ADAM12: variants seen among roughly 807,000 people sequenced by gnomAD.
The protein encoded by ADAM12 is ADAM metallopeptidase domain 12.
ADAM12 carries 70 observed loss-of-function variants against 106.4 expected under a neutral mutation model. That is an observed-to-expected ratio of 0.66 (90% CI 0.54 to 0.80). ADAM12 has a LOEUF of 0.80. Among genes scored for constraint, ADAM12 ranks in the 30% least tolerant of loss-of-function variants. The probability of loss-of-function intolerance (pLI) is 0.00; values close to 1 mark genes in which losing one functional copy is unlikely to be tolerated. For synonymous variants in ADAM12, 420 were observed against 433.5 expected (o/e 0.97, Z 0.39); for missense variants, 1,010 against 1,171.9 (o/e 0.86, Z 2.02).
At chr10:126,247,051 T>C (rs1958644395) in intron 3 of ADAM12, among the ~76,000 whole-genome samples, 1 of 152,220 alleles carries the variant, frequency 6.6e-6, no homozygotes, top group South Asian at 2.1e-4. Flanking sequence ...ATGTAACTTG[T>C]TATTTAAATA....
chr10:126,074,023 C>G (rs762307603), intron 11 of ADAM12, among the ~76,000 whole-genome samples: 50 of 152,144 alleles, frequency 3.3e-4, no homozygotes, highest in Non-Finnish European at 6.6e-4. Context: ...CATGGAGGTA[C>G]AGATGGAAAC....
At chr10:126,146,986 G>A (rs533103812) in intron 4 of ADAM12, among the ~76,000 whole-genome samples, 1 of 152,152 alleles carries the variant, frequency 6.6e-6, no homozygotes, top group Non-Finnish European at 1.5e-5. Context: ...GCCCTGACGT[G>A]TTTAGTCCAA....
rs1474186939 is a variant in ADAM12, at chr10:126,388,110, G to A, written c.36C>T (p.Arg12=). Residue 12 remains arginine, a synonymous_variant, in exon 1 of 23, where the codon CGC becomes CGT. Transcript: ENST00000448723. The surrounding 1 kb of genome is among the most constrained non-coding windows in gnomAD (Gnocchi z 4.4). ...CACCGGCCAGGGCGAGCAGGAGGGC[G>A]CGGGCGGGGGACACGGGCAGCGGGC... is the stretch of plus-strand genomic sequence containing the variant. ...AARPLPVSPA[R]ALLLALAGAL... 1 of 1,227,444 alleles carries A rather than the reference G, an allele frequency of 8.1e-7. No homozygotes were observed. The allele number at this position is 1,227,444 out of a possible 1,614,324, so 76.0% of individuals were successfully genotyped here.
intron 11 of ADAM12, among the ~76,000 whole-genome samples, chr10:126,079,655 G>T (rs1298135653): frequency 6.6e-6 from 1 of 152,140 alleles, no homozygotes; most frequent in Admixed American, 6.5e-5. Context: ...AAATGCTGTT[G>T]TACCTATTTG....
intron 4 of ADAM12, among the ~76,000 whole-genome samples, chr10:126,143,333 G>T (rs1203357177): frequency 6.7e-6 from 1 of 149,626 alleles, no homozygotes; most frequent in African/African-American, 2.5e-5. Context: ...GTGTGCACAT[G>T]TGTATATGTG....
At chr10:126,329,985 CAAAGT>C (rs1854446741) in intron 2 of ADAM12, among the ~76,000 whole-genome samples, 1 of 152,070 alleles carries the variant, frequency 6.6e-6, no homozygotes, top group African/African-American at 2.4e-5. Context: ...TCAAACATGT[CAAAGT>C]AAATAAAGTT....
chr10:126,066,565 T>C lies in ADAM12; in HGVS notation c.1413+152A>G, dbSNP rs902443750. On this transcript the variant is annotated intron_variant, in intron 13 of 22. Transcript: ENST00000448723. The surrounding 1 kb of genome is among the most constrained non-coding windows in gnomAD (Gnocchi z 5.1). ...AGATTGGAAGCTAAACAGTAAGAGGTGGGTAACACCAACTGGCGTGAGAAG... is the reference window on the plus strand; with the variant it reads ...AGATTGGAAGCTAAACAGTAAGAGGCGGGTAACACCAACTGGCGTGAGAAG... 37 of 662,426 alleles carry C rather than the reference T, an allele frequency of 5.6e-5. No individual in the cohort carries two copies. In the African/African-American group the frequency reaches 6.1e-4, roughly 11 times the overall value. The allele number at this position is 662,426 out of a possible 1,614,324, so 41.0% of individuals were successfully genotyped here.
intron 12 of ADAM12, among the ~76,000 whole-genome samples, chr10:126,068,737 A>G (rs1379015458): frequency 6.6e-6 from 1 of 152,214 alleles, no homozygotes; most frequent in Admixed American, 6.5e-5. Context: ...CTGCTGCTAC[A>G]TTGATTATTT....
chr10:126,261,722 C>T (rs964037658), intron 3 of ADAM12, among the ~76,000 whole-genome samples: 1 of 151,464 alleles, frequency 6.6e-6, no homozygotes, highest in African/African-American at 2.4e-5. Context: ...ACTTCAATGT[C>T]CAAATGTAAA....
intron 9 of ADAM12, among the ~76,000 whole-genome samples, chr10:126,100,745 A>G (rs1202519903): frequency 2.0e-5 from 3 of 152,022 alleles, no homozygotes; most frequent in Non-Finnish European, 4.4e-5. Flanking sequence ...AAACAAAACA[A>G]AAAAATAGGC....
At chr10:126,355,253 A>C (rs1339546614) in intron 1 of ADAM12, among the ~76,000 whole-genome samples, 1 of 152,260 alleles carries the variant, frequency 6.6e-6, no homozygotes, top group Non-Finnish European at 1.5e-5. Flanking sequence ...AGCTATGAAT[A>C]AAAGGAATAG....
At chr10:126,362,844 A>C (rs973709353) in intron 1 of ADAM12, among the ~76,000 whole-genome samples, 8 of 152,178 alleles carry the variant, frequency 5.3e-5, no homozygotes, top group African/African-American at 1.9e-4. Flanking sequence ...AGGAGGAATA[A>C]GGTTTTTTGT....
intron 2 of ADAM12, among the ~76,000 whole-genome samples, chr10:126,328,898 T>C (rs943055318): frequency 1.8e-4 from 28 of 152,088 alleles, no homozygotes; most frequent in African/African-American, 6.0e-4. Flanking sequence ...TGGCCAGCAG[T>C]AGATGTGCCA....
intron 1 of ADAM12, among the ~76,000 whole-genome samples, chr10:126,372,042 C>T (rs1438538186): frequency 6.6e-6 from 1 of 152,070 alleles, no homozygotes; most frequent in Non-Finnish European, 1.5e-5. Context: ...ACAGAGATGC[C>T]CCTAATGGTA....
At chr10:126,059,342 CAA>C (rs889208945) in intron 14 of ADAM12, among the ~76,000 whole-genome samples, 102 of 152,322 alleles carry the variant, frequency 6.7e-4, no homozygotes, top group African/African-American at 2.3e-3. Context: ...CATCCACAGA[CAA>C]AGGCATTTTT....
At chr10:126,093,909 C>T (rs1955509471) in intron 11 of ADAM12, 76 bp downstream of exon 11, 3 of 1,575,400 alleles carry the variant, frequency 1.9e-6, no homozygotes, top group Non-Finnish European at 2.6e-6. Context: ...ACCAGAGACA[C>T]TTTGACTCAT....
intron 3 of ADAM12, among the ~76,000 whole-genome samples, chr10:126,274,603 C>T (rs1051223213): frequency 6.6e-6 from 1 of 152,144 alleles, no homozygotes; most frequent in Non-Finnish European, 1.5e-5. Context: ...CACAATTATT[C>T]CCCCTAGCTC....
At chr10:126,331,261 A>G (rs1052466720) in intron 1 of ADAM12, among the ~76,000 whole-genome samples, 2 of 152,114 alleles carry the variant, frequency 1.3e-5, no homozygotes, top group Admixed American at 1.3e-4. Context: ...CTCTCCTATG[A>G]GGTCATGCTC....
chr10:126,166,211 G>A lies in ADAM12; in HGVS notation c.261-10906C>T, dbSNP rs116128210. ...ACATGCTGTTATGATTGTCTTTTGG[G>A]ACTGTTCAGATGAGCCTATCTGTTC... On this transcript the variant is annotated intron_variant, in intron 3 of 22. Transcript: ENST00000448723. Among the ~76,000 whole-genome samples the A allele has an allele frequency of 3.6e-3, 553 of 152,318 alleles. 4 individuals carry two copies. The highest frequency in any genetic ancestry group is 0.012 in the African/African-American group (517 of 41,578).
Sources: gnomAD v4.1 joint callset for allele counts (sites outside exome capture counted in the v4.1 genomes callset) on GRCh38, gnomAD v4.1.1 for gene constraint, Gnocchi (gnomAD v3.1) non-coding constraint, MANE v1.5 for transcripts, NCBI Gene and HGNC (gene_info 2026-07-23, HGNC 2026-07-21) for gene names.